Variants in ADARB1 observed in about 807,000 individuals in gnomAD.
ADARB1 encodes adenosine deaminase RNA specific B1, also known as double-stranded RNA-specific editase 1.
In ADARB1, 10 loss-of-function variants were observed where a neutral mutation model predicts 52.4. That is an observed-to-expected ratio of 0.19 (90% CI 0.12 to 0.32). The LOEUF is 0.32. Among genes scored for constraint, ADARB1 ranks in the 10% least tolerant of loss-of-function variants. The pLI, the probability that ADARB1 is intolerant of heterozygous loss-of-function variation, is 1.00. For missense variants in ADARB1, 643 were observed against 922.3 expected (o/e 0.70, Z 3.92); for synonymous variants, 349 against 371.1 (o/e 0.94, Z 0.68).
intron 9 of ADARB1, among the ~76,000 whole-genome samples, chr21:45,214,041 T>A (rs563982170): frequency 1.3e-5 from 2 of 152,240 alleles, no homozygotes; most frequent in Non-Finnish European, 2.9e-5. Context: ...CTGTCACTTA[T>A]ATGCCGGCAC....
At chr21:45,149,533 T>C (rs2090177346) in intron 2 of ADARB1, among the ~76,000 whole-genome samples, 1 of 152,208 alleles carries the variant, frequency 6.6e-6, no homozygotes, top group African/African-American at 2.4e-5. Context: ...ATCTTCAAAA[T>C]GGAAAAAATA....
chr21:45,126,531 C>G (rs931383317), intron 1 of ADARB1, among the ~76,000 whole-genome samples: 1 of 152,172 alleles, frequency 6.6e-6, no homozygotes, highest in African/African-American at 2.4e-5. Context: ...TTAATCCTCA[C>G]GGCACCATCT....
intron 7 of ADARB1, 83 bp from the exon 8 acceptor site, chr21:45,184,840 A>G (rs1371728639): frequency 7.2e-7 from 1 of 1,389,092 alleles, no homozygotes; most frequent in African/African-American, 1.4e-5. Context: ...TTTTAAATTT[A>G]TAAGCTATTG....
At chr21:45,112,134 G>A (rs1266789540) in intron 1 of ADARB1, among the ~76,000 whole-genome samples, 1 of 152,228 alleles carries the variant, frequency 6.6e-6, no homozygotes, top group East Asian at 1.9e-4. Flanking sequence ...TCTCTGAGAT[G>A]CCTCCCAAAG....
At chr21:45,165,990 A>G (rs1349404975) in intron 2 of ADARB1, among the ~76,000 whole-genome samples, 3 of 152,196 alleles carry the variant, frequency 2.0e-5, no homozygotes, top group Non-Finnish European at 4.4e-5. Flanking sequence ...CAGTTGTCTT[A>G]AACAGTTTTT....
In ADARB1 at chr21:45,157,988, C is replaced by A. The variant is rs2090753049; in HGVS notation, c.-47-13622C>A. On this transcript the variant is annotated intron_variant, in intron 2 of 10. Coordinates refer to ENST00000348831, the MANE Select transcript of ADARB1 (RefSeq NM_001112.4). This position sits in a 1 kb window ranked among gnomAD's most constrained non-coding sequence, Gnocchi z 4.1. ...ACCCCCACAGGAGGCGAGCCTGTGTCCTTGCCCATCACCTCTTTCCAGCTG... is the reference window on the plus strand; with the variant it reads ...ACCCCCACAGGAGGCGAGCCTGTGTACTTGCCCATCACCTCTTTCCAGCTG... Among the ~76,000 whole-genome samples the A allele has an allele frequency of 6.6e-6, 1 of 152,256 alleles. No individual in the cohort carries two copies. Among genetic ancestry groups the A allele is most frequent in the Non-Finnish European group, 1.5e-5 (1 of 68,052 alleles).
At chr21:45,214,196 T>C (rs1034126822) in intron 9 of ADARB1, among the ~76,000 whole-genome samples, 2 of 152,232 alleles carry the variant, frequency 1.3e-5, no homozygotes, top group Non-Finnish European at 2.9e-5. Context: ...TTCAATAAAC[T>C]GTTCAAAACT....
At chr21:45,162,696 G>A (rs2091037249) in intron 2 of ADARB1, among the ~76,000 whole-genome samples, 1 of 152,248 alleles carries the variant, frequency 6.6e-6, no homozygotes, top group Non-Finnish European at 1.5e-5. Flanking sequence ...AGTAGCTGAT[G>A]CCCATGAGCG....
At chr21:45,171,154 C>T (rs1037304597) in intron 2 of ADARB1, among the ~76,000 whole-genome samples, 2 of 152,164 alleles carry the variant, frequency 1.3e-5, no homozygotes, top group Non-Finnish European at 2.9e-5. Context: ...TCTGTCATGG[C>T]GTGTTGTGTC....
At position 45,208,708 on chromosome 21, in the gene ADARB1, A is replaced by G. The variant is rs1212135063; in HGVS notation, c.1747+3972A>G. 3.3e-5 allele frequency among the ~76,000 whole-genome samples: 5 copies of G among 152,032 alleles called. No homozygotes were observed. In the South Asian group the frequency reaches 1.0e-3, roughly 32 times the overall value. On this transcript the variant is annotated intron_variant, in intron 9 of 10. Coordinates refer to ENST00000348831, the MANE Select transcript of ADARB1 (RefSeq NM_001112.4). The surrounding 1 kb of genome is among the most constrained non-coding windows in gnomAD (Gnocchi z 5.6). ...TGTGTGCATGTGTGTGTGCACGCTCACATGAGTGTATGAGAGAGAGAGTGT... is the reference window on the plus strand; with the variant it reads ...TGTGTGCATGTGTGTGTGCACGCTCGCATGAGTGTATGAGAGAGAGAGTGT...
At chr21:45,161,550 A>G (rs2090969426) in intron 2 of ADARB1, among the ~76,000 whole-genome samples, 1 of 152,232 alleles carries the variant, frequency 6.6e-6, no homozygotes, top group African/African-American at 2.4e-5. Flanking sequence ...AGGGAGGCCA[A>G]CGCGGGGCTG....
Position 45,223,426 on chromosome 21 carries a change from G to T in ADARB1, c.*1229G>T. 2 of 985,788 alleles carry T rather than the reference G, an allele frequency of 2.0e-6. No homozygotes were observed. The highest frequency in any genetic ancestry group is 2.4e-6 in the Non-Finnish European group (2 of 830,220). 61.1% of individuals were successfully genotyped at this position (985,788 alleles called of 1,614,324 possible). Reference sequence around the variant, plus strand: ...AGTCAGCCCGGGAGGTCAGGAGCGCGGCGGGCGAGGGCCCTGTGTGGACCA... The same window carrying T: ...AGTCAGCCCGGGAGGTCAGGAGCGCTGCGGGCGAGGGCCCTGTGTGGACCA... On this transcript the variant is annotated 3_prime_UTR_variant, in exon 11 of 11. Coordinates refer to ENST00000348831, the MANE Select transcript of ADARB1 (RefSeq NM_001112.4).
chr21:45,184,061 C>A (rs1181586112), intron 7 of ADARB1, among the ~76,000 whole-genome samples: 2 of 152,052 alleles, frequency 1.3e-5, no homozygotes, highest in Admixed American at 6.6e-5. Context: ...CATTACTTTC[C>A]TTGTTTATAA....
At chr21:45,160,064 C>G (rs1437842937) in intron 2 of ADARB1, among the ~76,000 whole-genome samples, 1 of 152,210 alleles carries the variant, frequency 6.6e-6, no homozygotes, top group African/African-American at 2.4e-5. Flanking sequence ...TAGTAGGCTG[C>G]TGGAAGGTTG....
chr21:45,182,180 C>T (rs1337589796), intron 5 of ADARB1, among the ~76,000 whole-genome samples: 1 of 152,242 alleles, frequency 6.6e-6, no homozygotes, highest in African/African-American at 2.4e-5. Flanking sequence ...CCTTCCTAAT[C>T]TCTTCAGTAC....
At chr21:45,109,589 G>C (rs1226738652) in intron 1 of ADARB1, among the ~76,000 whole-genome samples, 3 of 152,242 alleles carry the variant, frequency 2.0e-5, no homozygotes, top group Non-Finnish European at 4.4e-5. Context: ...AGGACTGGAG[G>C]CTCCGTGTAG....
intron 1 of ADARB1, among the ~76,000 whole-genome samples, chr21:45,110,258 T>C (rs2087474125): frequency 6.6e-6 from 1 of 152,240 alleles, no homozygotes; most frequent in Non-Finnish European, 1.5e-5. Context: ...CAGGGTAGCA[T>C]GTTTAGCGTT....
rs1395427006 is a variant in ADARB1, at chr21:45,074,681, C to T, written c.-332C>T. ...GCTCCGGGCCGCGCGAGGCCACGGCCACGCCGCGCCGCTGCGCACAACCAA... is the reference window on the plus strand; with the variant it reads ...GCTCCGGGCCGCGCGAGGCCACGGCTACGCCGCGCCGCTGCGCACAACCAA... On this transcript the variant is annotated 5_prime_UTR_variant, in exon 1 of 11. Coordinates refer to ENST00000348831, the MANE Select transcript of ADARB1 (RefSeq NM_001112.4). 1.4e-5 allele frequency: 2 copies of T among 145,122 alleles called. No homozygotes were observed. Among genetic ancestry groups the T allele is most frequent in the Non-Finnish European group, 3.1e-5 (2 of 64,908 alleles). The allele number at this position is 145,122 out of a possible 1,614,324, so 9.0% of individuals were successfully genotyped here. A position where few individuals can be genotyped will look rare whatever the true frequency, so the allele number is the denominator to read the frequency against.
At chr21:45,189,406 A>T (rs984581411) in intron 8 of ADARB1, among the ~76,000 whole-genome samples, 2 of 152,168 alleles carry the variant, frequency 1.3e-5, no homozygotes, top group Admixed American at 1.3e-4. Context: ...CACAAATTAC[A>T]TCTTTATATA....
Sources: allele counts gnomAD v4.1 joint callset (sites outside exome capture counted in the v4.1 genomes callset), GRCh38; gene constraint gnomAD v4.1.1; non-coding constraint Gnocchi (gnomAD v3.1); transcripts MANE v1.5; gene names NCBI Gene and HGNC (gene_info 2026-07-23, HGNC 2026-07-21).